BICRAL: variants seen among roughly 807,000 people sequenced by gnomAD.
The protein encoded by BICRAL is BRD4-interacting chromatin-remodeling complex-associated protein-like.
A neutral mutation model predicts 91.8 loss-of-function variants in BICRAL; 8 were observed. That is an observed-to-expected ratio of 0.09 (90% CI 0.05 to 0.16). The LOEUF is 0.16. BICRAL is among the 10% of genes least tolerant of loss of function. BICRAL has a pLI of 1.00. For missense variants in BICRAL, 1,038 were observed against 1,310.9 expected, an observed-to-expected ratio of 0.79 and a Z score of 3.21; for synonymous variants, 445 against 491.1, an observed-to-expected ratio of 0.91 and a Z score of 1.24.
intron 8 of BICRAL, among the ~76,000 whole-genome samples, chr6:42,854,148 T>C (rs910514584): frequency 5.3e-5 from 8 of 152,198 alleles, no homozygotes; most frequent in Non-Finnish European, 1.0e-4. Flanking sequence ...GTATAGGAAG[T>C]AGGCCATCCC....
chr6:42,776,414 C>A (rs531000446), intron 1 of BICRAL, among the ~76,000 whole-genome samples: 17 of 152,052 alleles, frequency 1.1e-4, no homozygotes, highest in African/African-American at 4.1e-4. Flanking sequence ...GTGGCTTGAT[C>A]ATGGCTCACT....
rs1764406867 is a variant in BICRAL at position 42,829,432 on chromosome 6, C to G, written c.1099C>G (p.Gln367Glu). The change falls in exon 6 of 13, where the codon CAG (glutamine) becomes GAG (glutamate). Residue 367 changes from glutamine (Q) to glutamate (E), a missense_variant. Physicochemically the swap from Gln to Glu is conservative, Grantham distance 29. Around this residue, in one of 5 missense-constraint regions of BICRAL, gnomAD observed 532 missense variants for 724.9 expected, o/e 0.73. Coordinates refer to ENST00000314073, the MANE Select transcript of BICRAL (RefSeq NM_001393499.1). ...CATGTCTGTGAACATTGTAAACCAA[C>G]AGAACACAAGAAAGCCAGTCACCTC... ...PHMSVNIVNQ[Q>E]NTRKPVTSQA... 1.9e-6 allele frequency: 3 copies of G among 1,614,072 alleles called. No individual in the cohort carries two copies. The African/African-American group carries it at 4.0e-5, about 22-fold the overall frequency.
At chr6:42,770,844 C>T (rs1045094875) in intron 1 of BICRAL, among the ~76,000 whole-genome samples, 2 of 152,032 alleles carry the variant, frequency 1.3e-5, no homozygotes, top group Non-Finnish European at 2.9e-5. Context: ...GTGCCCGCCA[C>T]CACGCCCCGC....
At chr6:42,850,030 C>T (rs1274822399) in intron 6 of BICRAL, among the ~76,000 whole-genome samples, 1 of 150,992 alleles carries the variant, frequency 6.6e-6, no homozygotes, top group African/African-American at 2.5e-5. Flanking sequence ...GAGTGAGACC[C>T]TGTCTCAATA....
At chr6:42,834,589 A>G (rs933477782) in intron 6 of BICRAL, among the ~76,000 whole-genome samples, 1 of 151,784 alleles carries the variant, frequency 6.6e-6, no homozygotes, top group African/African-American at 2.4e-5. Context: ...CTTTTTCTTT[A>G]TGTGTGAATT....
At position 42,865,050 on chromosome 6, in the gene BICRAL, T is replaced by A. The variant is rs146816473; in HGVS notation, c.2844T>A (p.Asp948Glu). The change falls in exon 13 of 13, where the codon GAT becomes GAA. Residue 948 changes from aspartate to glutamate, a missense_variant. Physicochemically the swap from Asp to Glu is conservative, Grantham distance 45. Around this residue, in one of 5 missense-constraint regions of BICRAL, gnomAD observed 294 missense variants for 292.6 expected, o/e 1.00. Coordinates refer to ENST00000314073, the MANE Select transcript of BICRAL (RefSeq NM_001393499.1). ...EGHRKTSSRS[D>E]HGTESKLSSI... The stretch of plus-strand genomic sequence containing the variant: ...ACCGGAAAACCTCATCCAGATCGGA[T>A]CATGGTACTGAGAGCAAACTGTCAA... 6.2e-7 allele frequency: 1 copy of A among 1,613,902 alleles called. No individual in the cohort carries two copies. The highest frequency in any genetic ancestry group is 1.7e-5 in the Admixed American group (1 of 59,992).
intron 1 of BICRAL, among the ~76,000 whole-genome samples, chr6:42,791,903 C>T (rs1763284606): frequency 6.6e-6 from 1 of 152,194 alleles, no homozygotes; most frequent in Admixed American, 6.5e-5. Flanking sequence ...TAACCTACCA[C>T]ACACCTAGGC....
chr6:42,853,507 C>T (rs569135101), intron 7 of BICRAL, 131 bp from the exon 8 acceptor site: 1 of 652,720 alleles, frequency 1.5e-6, no homozygotes, highest in East Asian at 2.6e-5. Flanking sequence ...TCCTTCTTCA[C>T]AGCAAGCAGC....
At chr6:42,831,953 G>A (rs1764496335) in intron 6 of BICRAL, among the ~76,000 whole-genome samples, 1 of 151,636 alleles carries the variant, frequency 6.6e-6, no homozygotes, top group Non-Finnish European at 1.5e-5. Flanking sequence ...CGCCCAGGCT[G>A]GTCTCGAACT....
intron 1 of BICRAL, among the ~76,000 whole-genome samples, chr6:42,795,078 C>T (rs1346958151): frequency 6.6e-6 from 1 of 152,186 alleles, no homozygotes; most frequent in Non-Finnish European, 1.5e-5. Context: ...AAAAGATCTA[C>T]ATCTATTGTT....
intron 1 of BICRAL, among the ~76,000 whole-genome samples, chr6:42,749,858 C>CT (rs565514146): frequency 0.014 from 1,999 of 139,040 alleles, 39 homozygotes; most frequent in African/African-American, 0.046. Context: ...TTGGGAGTTC[C>CT]TTTTTTTTTT....
intron 2 of BICRAL, 53 bp downstream of exon 2, chr6:42,810,454 C>T (rs561084011): frequency 1.3e-5 from 2 of 152,300 alleles, no homozygotes; most frequent in Admixed American, 6.5e-5. Flanking sequence ...TCCTTCAAAA[C>T]GGGAACCATG....
chr6:42,845,716 G>A (rs1470204623), intron 6 of BICRAL, among the ~76,000 whole-genome samples: 4 of 151,892 alleles, frequency 2.6e-5, no homozygotes, highest in East Asian at 1.9e-4. Flanking sequence ...TGGCAGGTGC[G>A]CCGGTTTCCA....
At chr6:42,783,223 C>G (rs1471399260) in intron 1 of BICRAL, among the ~76,000 whole-genome samples, 1 of 151,748 alleles carries the variant, frequency 6.6e-6, no homozygotes, top group African/African-American at 2.4e-5. Context: ...TTTCGAAGCA[C>G]CGCCGAGGAT....
At chr6:42,782,971 T>TGGGGAG (rs1282187980) in intron 1 of BICRAL, among the ~76,000 whole-genome samples, 2 of 102,650 alleles carry the variant, frequency 1.9e-5, no homozygotes, top group Admixed American at 9.8e-5. Context: ...ACCCCGCGTC[T>TGGGGAG]GGGGAGGGGG....
At chr6:42,747,769 G>A (rs1302713987) in intron 1 of BICRAL, among the ~76,000 whole-genome samples, 1 of 151,906 alleles carries the variant, frequency 6.6e-6, no homozygotes, top group Non-Finnish European at 1.5e-5. Flanking sequence ...GGGCAGATTA[G>A]GTGAGGCTTC....
chr6:42,776,283 T>G (rs959948609), intron 1 of BICRAL, among the ~76,000 whole-genome samples: 1 of 152,124 alleles, frequency 6.6e-6, no homozygotes, highest in Admixed American at 6.5e-5. Context: ...GTGATCCTTC[T>G]ATCTTGGCCT....
intron 1 of BICRAL, among the ~76,000 whole-genome samples, chr6:42,771,640 G>C (rs1762737538): frequency 6.6e-6 from 1 of 151,320 alleles, no homozygotes; most frequent in South Asian, 2.1e-4. Context: ...ATTTTCTGAT[G>C]GTTTTTCGTG....
chr6:42,789,548 A>G (rs1455186901), intron 1 of BICRAL, among the ~76,000 whole-genome samples: 2 of 151,836 alleles, frequency 1.3e-5, no homozygotes, highest in Non-Finnish European at 2.9e-5. Flanking sequence ...AGGCTGAGGC[A>G]TGAGAATTGC....
Sources: allele counts gnomAD v4.1 joint callset (sites outside exome capture counted in the v4.1 genomes callset), GRCh38; gene constraint gnomAD v4.1.1; regional missense constraint gnomAD v4.1.1; transcripts MANE v1.5; gene names NCBI Gene and HGNC (gene_info 2026-07-23, HGNC 2026-07-21).